Variants in JPH3 observed in about 807,000 individuals in gnomAD.
JPH3 encodes junctophilin-3.
In JPH3, 11 loss-of-function variants were observed where a neutral mutation model predicts 59.6. The ratio of observed to expected loss-of-function variants is 0.18; its 90% confidence interval spans 0.12 to 0.31. The LOEUF (loss-of-function observed/expected upper bound fraction) is 0.31, where lower values mean the gene tolerates loss of function less well. JPH3 is among the 10% of genes least tolerant of loss of function. The probability of loss-of-function intolerance (pLI) is 1.00; values close to 1 mark genes in which losing one functional copy is unlikely to be tolerated. For missense variants in JPH3, 1,202 were observed against 1,105.7 expected, an observed-to-expected ratio of 1.09 and a Z score of -1.24; for synonymous variants, 673 against 483.6, an observed-to-expected ratio of 1.39 and a Z score of -5.14.
chr16:87,665,094 C>T (rs745692225), intron 2 of JPH3, among the ~76,000 whole-genome samples: 1 of 152,232 alleles, frequency 6.6e-6, no homozygotes, highest in Non-Finnish European at 1.5e-5. Flanking sequence ...CGGAGCTCAT[C>T]CCTTTGACTC....
intron 1 of JPH3, among the ~76,000 whole-genome samples, chr16:87,610,733 C>T (rs1451351193): frequency 6.6e-6 from 1 of 152,086 alleles, no homozygotes; most frequent in Non-Finnish European, 1.5e-5. Context: ...TGTCATTGCT[C>T]CTTAAGAGAC....
intron 2 of JPH3, among the ~76,000 whole-genome samples, chr16:87,659,590 G>T (rs954866558): frequency 1.3e-5 from 2 of 151,892 alleles, no homozygotes; most frequent in Non-Finnish European, 2.9e-5. Context: ...GTGTATTAGT[G>T]GGTGTGGTGA....
chr16:87,657,788 T>A (rs1223115699), intron 2 of JPH3, among the ~76,000 whole-genome samples: 1 of 152,148 alleles, frequency 6.6e-6, no homozygotes, highest in East Asian at 1.9e-4. Flanking sequence ...AGGACTGTGC[T>A]CACATTCTGT....
chr16:87,629,158 C>T (rs1218618492), intron 1 of JPH3, among the ~76,000 whole-genome samples: 1 of 152,072 alleles, frequency 6.6e-6, no homozygotes, highest in Non-Finnish European at 1.5e-5. Flanking sequence ...GGGGAAGTGA[C>T]TCCATGCCTG....
intron 2 of JPH3, among the ~76,000 whole-genome samples, chr16:87,652,516 C>T (rs1291959931): frequency 4.6e-5 from 7 of 152,246 alleles, no homozygotes; most frequent in African/African-American, 1.4e-4. Context: ...CAGGCCGGAG[C>T]GCAGTGGTGC....
At chr16:87,634,103 G>C (rs988725823) in intron 1 of JPH3, among the ~76,000 whole-genome samples, 2 of 152,216 alleles carry the variant, frequency 1.3e-5, no homozygotes, top group Admixed American at 6.5e-5. Context: ...CAGAGAGGCA[G>C]GAGGGACAGG....
rs2033886854 is a variant in JPH3 at position 87,696,908 on chromosome 16, A to G, written c.*248A>G. 1 of 483,016 alleles carries G rather than the reference A, an allele frequency of 2.1e-6. No individual in the cohort carries two copies. Among genetic ancestry groups the G allele is most frequent in the African/African-American group, 2.0e-5 (1 of 51,038 alleles). The allele number at this position is 483,016 out of a possible 1,614,324, so 29.9% of individuals were successfully genotyped here. On this transcript the variant is annotated 3_prime_UTR_variant, in exon 5 of 5. Transcript: ENST00000284262. ...CTGTGTGGCATGGCAGAAGGAGGCCAGCACGCAGCCCCTCCAGCTCCACGT... is the reference window on the plus strand; with the variant it reads ...CTGTGTGGCATGGCAGAAGGAGGCCGGCACGCAGCCCCTCCAGCTCCACGT...
At chr16:87,608,702 G>A (rs1166339505) in intron 1 of JPH3, among the ~76,000 whole-genome samples, 3 of 152,166 alleles carry the variant, frequency 2.0e-5, no homozygotes, top group Non-Finnish European at 2.9e-5. Context: ...GCCAGTGACC[G>A]CCTGGTCCCG....
At chr16:87,649,027 C>T (rs888245322) in intron 2 of JPH3, among the ~76,000 whole-genome samples, 10 of 152,164 alleles carry the variant, frequency 6.6e-5, no homozygotes, top group African/African-American at 2.4e-4. Context: ...CAACACGGGT[C>T]GGAGGCAGAG....
upstream of JPH3, among the ~76,000 whole-genome samples, chr16:87,602,456 G>T (rs1382973907): frequency 5.7e-5 from 7 of 122,834 alleles, no homozygotes; most frequent in African/African-American, 1.8e-4. Flanking sequence ...GGGGGCGGGG[G>T]GCGGGCGGGG....
At chr16:87,606,843 ATACT>A (rs746181921) in intron 1 of JPH3, among the ~76,000 whole-genome samples, 4 of 152,200 alleles carry the variant, frequency 2.6e-5, no homozygotes, top group Non-Finnish European at 5.9e-5. Context: ...GCAACATTAG[ATACT>A]TACTGTCTGC....
At chr16:87,614,159 C>T (rs2030844926) in intron 1 of JPH3, among the ~76,000 whole-genome samples, 1 of 152,160 alleles carries the variant, frequency 6.6e-6, no homozygotes, top group African/African-American at 2.4e-5. Context: ...TGCGTGACCC[C>T]TCCCAGGATA....
Position 87,611,773 on chromosome 16 carries a change from C to G in JPH3, c.382+8245C>G, listed in dbSNP as rs2030739677. 6.6e-6 allele frequency among the ~76,000 whole-genome samples: 1 copy of G among 152,184 alleles called. No homozygotes were observed. The highest frequency in any genetic ancestry group is 6.5e-5 in the Admixed American group (1 of 15,282). ...GGATGCCACCCAAGAATTTATATTT[C>G]TTACAAATTTCAGGCGATGCTGAGG... On this transcript the variant is annotated intron_variant, in intron 1 of 4. Coordinates refer to ENST00000284262, the MANE Select transcript of JPH3 (RefSeq NM_020655.4). The surrounding 1 kb of genome is among the most constrained non-coding windows in gnomAD (Gnocchi z 4.5).
rs144027628 is a variant in JPH3 at position 87,684,416 on chromosome 16, C to T, written c.1285+150C>T. On this transcript the variant is annotated intron_variant, in intron 3 of 4. Transcript: ENST00000284262. ...CCTGCCCGGTGTCTTCCTCTCCCGC[C>T]GAAGGTGCTTGTTTGTGCCAAGGCC... 446 of 1,303,214 alleles carry T rather than the reference C, an allele frequency of 3.4e-4. 4 individuals are homozygous for T. The African/African-American group carries it at 4.4e-3, about 13-fold the overall frequency. The allele number at this position is 1,303,214 out of a possible 1,614,324, so 80.7% of individuals were successfully genotyped here.
chr16:87,686,989 G>T (rs1234483037), intron 3 of JPH3, among the ~76,000 whole-genome samples: 1 of 152,218 alleles, frequency 6.6e-6, no homozygotes, highest in Non-Finnish European at 1.5e-5. Flanking sequence ...CCACCTCTTT[G>T]GGTGGCGCCC....
At chr16:87,605,142 C>G (rs769858828) in intron 1 of JPH3, among the ~76,000 whole-genome samples, 2 of 152,146 alleles carry the variant, frequency 1.3e-5, no homozygotes, top group Admixed American at 1.3e-4. Context: ...GACCTGTCCT[C>G]CAGAGGTGCT....
intron 2 of JPH3, among the ~76,000 whole-genome samples, chr16:87,670,775 C>A (rs776085739): frequency 6.6e-6 from 1 of 152,320 alleles, no homozygotes; most frequent in South Asian, 2.1e-4. Flanking sequence ...GTGCCAGGCC[C>A]TGTCGTTGGT....
intron 2 of JPH3, among the ~76,000 whole-genome samples, chr16:87,662,317 C>T (rs537093642): frequency 2.7e-4 from 41 of 152,290 alleles, no homozygotes; most frequent in African/African-American, 4.3e-4. Flanking sequence ...GGTCAGTGGG[C>T]GCCGAATGAA....
At chr16:87,663,557 A>G (rs2032769986) in intron 2 of JPH3, among the ~76,000 whole-genome samples, 1 of 152,236 alleles carries the variant, frequency 6.6e-6, no homozygotes, top group African/African-American at 2.4e-5. Flanking sequence ...TTCACCCACC[A>G]GAAGCACTGG....
Sources: allele counts gnomAD v4.1 joint callset (sites outside exome capture counted in the v4.1 genomes callset), GRCh38; gene constraint gnomAD v4.1.1; non-coding constraint Gnocchi (gnomAD v3.1); transcripts MANE v1.5; gene names NCBI Gene and HGNC (gene_info 2026-07-23, HGNC 2026-07-21).